Variants in XKR4 observed in about 807,000 individuals in gnomAD.
The protein encoded by XKR4 is XK related 4, also known as XK-related protein 4.
Under a neutral mutation model 53.9 loss-of-function variants are expected in XKR4, and 12 were observed. The ratio of observed to expected loss-of-function variants is 0.22; its 90% CI spans 0.14 to 0.36. The LOEUF (loss-of-function observed/expected upper bound fraction) is 0.36. Ranked by LOEUF, XKR4 falls within the 10% of genes least tolerant of loss-of-function variation. XKR4 has a pLI of 1.00. For missense variants in XKR4, 799 were observed against 859.5 expected, an observed-to-expected ratio of 0.93 and a Z score of 0.88; for synonymous variants, 354 against 362.4, an observed-to-expected ratio of 0.98 and a Z score of 0.26.
intron 1 of XKR4, among the ~76,000 whole-genome samples, chr8:55,302,526 T>C (rs1380902745): frequency 1.3e-5 from 2 of 152,256 alleles, no homozygotes; most frequent in African/African-American, 4.8e-5. Context: ...TTTCCAATTC[T>C]GTGAAGAAAG....
At chr8:55,242,399 G>T (rs1053363342) in intron 1 of XKR4, among the ~76,000 whole-genome samples, 1 of 152,120 alleles carries the variant, frequency 6.6e-6, no homozygotes, top group African/African-American at 2.4e-5. Flanking sequence ...TCATCTTCCT[G>T]AGTCTCTGAG....
intron 1 of XKR4, among the ~76,000 whole-genome samples, chr8:55,218,352 C>T (rs1406244489): frequency 6.6e-6 from 1 of 152,146 alleles, no homozygotes; most frequent in Non-Finnish European, 1.5e-5. Flanking sequence ...TTTCAGTTTG[C>T]ACTTAGCAAG....
intron 1 of XKR4, among the ~76,000 whole-genome samples, chr8:55,328,107 C>T (rs1585523027): frequency 6.6e-6 from 1 of 152,138 alleles, no homozygotes; most frequent in African/African-American, 2.4e-5. Context: ...ATGAGACTCA[C>T]TCACTATCAA....
intron 2 of XKR4, among the ~76,000 whole-genome samples, chr8:55,470,802 G>A (rs1805868419): frequency 1.3e-5 from 2 of 152,040 alleles, no homozygotes; most frequent in African/African-American, 4.8e-5. Context: ...ACTATAATAA[G>A]TAATTTACTT....
At chr8:55,232,599 A>G (rs1332246483) in intron 1 of XKR4, among the ~76,000 whole-genome samples, 1 of 152,232 alleles carries the variant, frequency 6.6e-6, no homozygotes, top group Non-Finnish European at 1.5e-5. Context: ...ATCATGTAGA[A>G]CTTGAAAATT....
At chr8:55,144,909 G>A (rs1563467589) in intron 1 of XKR4, among the ~76,000 whole-genome samples, 2 of 151,288 alleles carry the variant, frequency 1.3e-5, no homozygotes, top group Admixed American at 6.6e-5. Context: ...TTGGCTCACT[G>A]CAACCACCAC....
intron 2 of XKR4, among the ~76,000 whole-genome samples, chr8:55,429,022 G>T (rs547688213): frequency 6.6e-6 from 1 of 152,174 alleles, no homozygotes; most frequent in African/African-American, 2.4e-5. Context: ...ATATAGCTAC[G>T]TAATCAAGAC....
intron 2 of XKR4, among the ~76,000 whole-genome samples, chr8:55,468,496 A>T (rs571446222): frequency 6.6e-5 from 10 of 152,004 alleles, no homozygotes; most frequent in African/African-American, 1.9e-4. Context: ...TGTCTTATTT[A>T]AAAAAAATAC....
intron 1 of XKR4, among the ~76,000 whole-genome samples, chr8:55,228,207 C>T (rs1375078051): frequency 3.3e-5 from 5 of 152,118 alleles, no homozygotes; most frequent in East Asian, 1.9e-4. Flanking sequence ...CCAGTGCACC[C>T]GGCCATGTCA....
intron 2 of XKR4, among the ~76,000 whole-genome samples, chr8:55,457,146 CTT>C (rs1554527639): frequency 4.4e-5 from 6 of 137,232 alleles, no homozygotes; most frequent in Non-Finnish European, 3.1e-5. Flanking sequence ...TTTTCCTTTT[CTT>C]TTTTTTTTTT....
chr8:55,271,428 G>A (rs1032317950), intron 1 of XKR4, among the ~76,000 whole-genome samples: 3 of 152,180 alleles, frequency 2.0e-5, no homozygotes, highest in Admixed American at 1.3e-4. Context: ...TGAGGATTTC[G>A]AAAAGTAGTA....
At chr8:55,467,950 C>G (rs2129399486) in intron 2 of XKR4, among the ~76,000 whole-genome samples, 1 of 152,192 alleles carries the variant, frequency 6.6e-6, no homozygotes. Flanking sequence ...GTTACAGAGA[C>G]TTATGCCATG....
At chr8:55,476,826 A>G (rs1401436779) in intron 2 of XKR4, among the ~76,000 whole-genome samples, 2 of 151,994 alleles carry the variant, frequency 1.3e-5, no homozygotes, top group Non-Finnish European at 2.9e-5. Flanking sequence ...AAACTGCAAG[A>G]TGGTAGCGAG....
rs76009326 is a variant in XKR4 at position 55,475,622 on chromosome 8, G to A, written c.1007-47659G>A. Among the ~76,000 whole-genome samples the A allele has an allele frequency of 4.9e-3, 297 of 60,686 alleles. 1 individual carries two copies. Among genetic ancestry groups the A allele is most frequent in the African/African-American group, 0.034 (204 of 5,926 alleles). The allele number at this position is 60,686 out of a possible 152,430, so 39.8% of individuals were successfully genotyped here. A position where few individuals can be genotyped will look rare whatever the true frequency, so the allele number is the denominator to read the frequency against. On this transcript the variant is annotated intron_variant, in intron 2 of 2. Coordinates refer to ENST00000327381, the MANE Select transcript of XKR4 (RefSeq NM_052898.2). ...TATTTATTTATTTATTTATTTATTT[G>A]AGATGGAGTCTCACTCTGTTATCTA...
chr8:55,365,857 A>T (rs1480820722), intron 2 of XKR4, among the ~76,000 whole-genome samples: 1 of 152,186 alleles, frequency 6.6e-6, no homozygotes, highest in Non-Finnish European at 1.5e-5. Context: ...GGACTGAAGG[A>T]AGAGGGCTCA....
intron 2 of XKR4, among the ~76,000 whole-genome samples, chr8:55,500,762 C>A (rs1419215711): frequency 6.6e-6 from 1 of 152,180 alleles, no homozygotes; most frequent in Non-Finnish European, 1.5e-5. Flanking sequence ...TTTAACCCTG[C>A]AAAACCCCTA....
Position 55,541,820 on chromosome 8 carries a change from T to C in XKR4, c.*17593T>C, listed in dbSNP as rs1807105088. 6.6e-6 allele frequency: 1 copy of C among 152,170 alleles called. No individual in the cohort carries two copies. The highest frequency in any genetic ancestry group is 6.6e-5 in the Admixed American group (1 of 15,258). The allele number at this position is 152,170 out of a possible 1,614,324, so 9.4% of individuals were successfully genotyped here. A position where few individuals can be genotyped will look rare whatever the true frequency, so the allele number is the denominator to read the frequency against. On this transcript the variant is annotated 3_prime_UTR_variant, in exon 3 of 3. Transcript: ENST00000327381. ...CTTTAGCGTTCAGATTGTAAGTGTG[T>C]CTTTATTCGCGGGAGGCCACTGTCA...
intron 1 of XKR4, among the ~76,000 whole-genome samples, chr8:55,123,224 A>T (rs1355349229): frequency 6.6e-6 from 1 of 152,238 alleles, no homozygotes; most frequent in Non-Finnish European, 1.5e-5. Context: ...CATTTAATAC[A>T]TATTTATTGA....
chr8:55,540,192 A>G lies in XKR4; in HGVS notation c.*15965A>G, dbSNP rs1221208187. 1 of 152,230 alleles carries G rather than the reference A, an allele frequency of 6.6e-6. No individual in the cohort carries two copies. Among genetic ancestry groups the G allele is most frequent in the Non-Finnish European group, 1.5e-5 (1 of 68,040 alleles). 9.4% of individuals were successfully genotyped at this position (152,230 alleles called of 1,614,324 possible). A position where few individuals can be genotyped will look rare whatever the true frequency, so the allele number is the denominator to read the frequency against. On this transcript the variant is annotated 3_prime_UTR_variant, in exon 3 of 3. Transcript: ENST00000327381. ...GTGATTATGCTGCTGAGGACCAGTC[A>G]TTCTGTAAACATCACATATGTGATG...
Sources: gnomAD v4.1 joint callset for allele counts (sites outside exome capture counted in the v4.1 genomes callset) on GRCh38, gnomAD v4.1.1 for gene constraint, MANE v1.5 for transcripts, NCBI Gene and HGNC (gene_info 2026-07-23, HGNC 2026-07-21) for gene names.